Variants in CLUAP1 observed in about 807,000 individuals in gnomAD.
The protein encoded by CLUAP1 is clusterin-associated protein 1.
In CLUAP1, 50 loss-of-function variants were observed where a neutral mutation model predicts 55.0. The ratio of observed to expected loss-of-function variants is 0.91; its 90% CI spans 0.72 to 1.15. The LOEUF (loss-of-function observed/expected upper bound fraction) is 1.15, where lower values mean the gene tolerates loss of function less well. Among genes scored for constraint, CLUAP1 ranks in the 50% most tolerant of loss-of-function variants. CLUAP1 has a pLI of 0.00. For synonymous variants in CLUAP1, 195 were observed against 175.4 expected, an observed-to-expected ratio of 1.11 and a Z score of -0.88; for missense variants, 530 against 507.6, an observed-to-expected ratio of 1.04 and a Z score of -0.42.
At chr16:3,522,531 G>A (rs777666363) in intron 7 of CLUAP1, among the ~76,000 whole-genome samples, 1 of 152,022 alleles carries the variant, frequency 6.6e-6, no homozygotes, top group Non-Finnish European at 1.5e-5. Context: ...AGATGTGTCT[G>A]GTATGTGATT....
chr16:3,499,655 C>T (rs953055823), upstream of CLUAP1, among the ~76,000 whole-genome samples: 1 of 152,158 alleles, frequency 6.6e-6, no homozygotes. Flanking sequence ...GTTGAGAGTT[C>T]TTGATACATT....
At chr16:3,534,208 G>A (rs1402022824) in intron 11 of CLUAP1, 1 of 152,420 alleles carries the variant, frequency 6.6e-6, no homozygotes, top group Non-Finnish European at 1.5e-5. Context: ...TTAACAGGAG[G>A]AATAACAGCT....
intron 1 of CLUAP1, 44 bp from the exon 2 acceptor site, chr16:3,504,676 C>A: frequency 9.6e-7 from 1 of 1,042,858 alleles, no homozygotes; most frequent in Non-Finnish European, 1.5e-6. Flanking sequence ...TAAGTAGTTG[C>A]TGTGTGATGG....
At chr16:3,523,438 A>G in intron 8 of CLUAP1, 139 bp downstream of exon 8, 2 of 1,022,792 alleles carry the variant, frequency 2.0e-6, no homozygotes, top group Non-Finnish European at 2.8e-6. Context: ...AGGATTGCTC[A>G]TGTAATGTGT....
chr16:3,526,678 A>G lies in CLUAP1; in HGVS notation c.928+194A>G, dbSNP rs75995417. Among the ~76,000 whole-genome samples, 2,939 of 152,048 alleles carry G rather than the reference A, an allele frequency of 0.019. 98 individuals carry two copies. Among genetic ancestry groups the G allele is most frequent in the African/African-American group, 0.06 (2,503 of 41,442 alleles). On this transcript the variant is annotated intron_variant, in intron 9 of 11. Coordinates refer to ENST00000576634, the MANE Select transcript of CLUAP1 (RefSeq NM_015041.3). Reference sequence around the variant, plus strand: ...AAAGTATAATAAATTATTGTTGACTATAGGTACAAAAATATTTTCAAAAGG... The same window carrying G: ...AAAGTATAATAAATTATTGTTGACTGTAGGTACAAAAATATTTTCAAAAGG...
At chr16:3,506,869 C>A (rs1201147734) in intron 3 of CLUAP1, among the ~76,000 whole-genome samples, 6 of 152,124 alleles carry the variant, frequency 3.9e-5, no homozygotes, top group African/African-American at 1.4e-4. Context: ...CAGCGAAGTT[C>A]TTTTTGTTTG....
chr16:3,514,726 G>A (rs934147573), intron 5 of CLUAP1, among the ~76,000 whole-genome samples: 1 of 152,226 alleles, frequency 6.6e-6, no homozygotes, highest in Admixed American at 6.5e-5. Context: ...TCCTCACATG[G>A]CAGCAGGGGT....
At position 3,508,345 on chromosome 16, in the gene CLUAP1, T is replaced by G; in HGVS notation, c.276T>G (p.Tyr92Ter). The G allele has an allele frequency of 6.2e-7, 1 of 1,610,052 alleles. No homozygotes were observed. Among genetic ancestry groups the G allele is most frequent in the African/African-American group, 1.3e-5 (1 of 74,644 alleles). The change falls in exon 4 of 12, where the codon TAT (tyrosine) becomes TAG (stop). Residue 92 changes from tyrosine (Y) to a stop codon, truncating the protein, a stop_gained. Transcript: ENST00000576634. LOFTEE classifies it high-confidence loss of function. ...AGAAGCTTTATCAAGCAGATGGGTA[T>G]GCGGTAAAAGAGCTGCTGAAGATCA... Reference protein sequence around the residue: ...NTKKLYQADGYAVKELLKITS... With the variant: ...NTKKLYQADG
At chr16:3,512,199 A>C (rs1245399583) in intron 4 of CLUAP1, among the ~76,000 whole-genome samples, 184 bp from the exon 5 acceptor site, 3 of 150,652 alleles carry the variant, frequency 2.0e-5, no homozygotes, top group African/African-American at 4.9e-5. Flanking sequence ...AAAAAAAAAA[A>C]AAAAAATCTG....
intron 6 of CLUAP1, 130 bp downstream of exon 6, chr16:3,515,721 C>G: frequency 3.7e-6 from 2 of 539,148 alleles, no homozygotes; most frequent in Non-Finnish European, 6.2e-6. Flanking sequence ...ATGAAAAACT[C>G]AAGAGGACAT....
chr16:3,529,017 C>T (rs573511068), intron 9 of CLUAP1, among the ~76,000 whole-genome samples: 1 of 151,880 alleles, frequency 6.6e-6, no homozygotes, highest in Non-Finnish European at 1.5e-5. Flanking sequence ...ATATATACAG[C>T]ATTGTATATA....
intron 4 of CLUAP1, chr16:3,509,993 A>G (rs1251398659): frequency 8.3e-6 from 1 of 119,996 alleles, no homozygotes; most frequent in South Asian, 2.6e-4. Flanking sequence ...TGCCCAGCTA[A>G]TTTTTTTTTT....
chr16:3,522,015 C>T (rs1354367528), intron 7 of CLUAP1, among the ~76,000 whole-genome samples: 1 of 152,094 alleles, frequency 6.6e-6, no homozygotes, highest in Non-Finnish European at 1.5e-5. Context: ...GCCATGATCA[C>T]ACCACTGCAC....
intron 3 of CLUAP1, 76 bp downstream of exon 3, chr16:3,506,491 C>G (rs2037509151): frequency 2.7e-6 from 3 of 1,121,026 alleles, no homozygotes; most frequent in Non-Finnish European, 4.1e-6. Flanking sequence ...GGGCGACTTT[C>G]AAACTGTGTA....
At chr16:3,503,070 C>T in intron 1 of CLUAP1, among the ~76,000 whole-genome samples, 1 of 152,064 alleles carries the variant, frequency 6.6e-6, no homozygotes, top group Non-Finnish European at 1.5e-5. Flanking sequence ...CAACCTCTGC[C>T]TCCCAGCAAT....
In CLUAP1 at chr16:3,538,712, A is replaced by G. The variant is rs1203350553; in HGVS notation, c.*2441A>G. On this transcript the variant is annotated 3_prime_UTR_variant, in exon 12 of 12. Transcript: ENST00000576634. ...AACTGACTTTGTGCAAGGTCTCACC[A>G]TGTATAGCACTGCCTTGCTTGAGCA... is the stretch of plus-strand genomic sequence containing the variant. The G allele has an allele frequency of 6.6e-6, 1 of 152,260 alleles. No homozygotes were observed. The highest frequency in any genetic ancestry group is 1.5e-5 in the Non-Finnish European group (1 of 68,040). 9.4% of individuals were successfully genotyped at this position (152,260 alleles called of 1,614,324 possible). A position where few individuals can be genotyped will look rare whatever the true frequency, so the allele number is the denominator to read the frequency against.
At chr16:3,521,696 G>C (rs1310163228) in intron 7 of CLUAP1, among the ~76,000 whole-genome samples, 1 of 151,352 alleles carries the variant, frequency 6.6e-6, no homozygotes, top group Non-Finnish European at 1.5e-5. Flanking sequence ...GCCTCCCAAA[G>C]TGCTGGGATT....
intron 11 of CLUAP1, chr16:3,535,053 A>G (rs1370421190): frequency 6.5e-6 from 1 of 153,104 alleles, no homozygotes; most frequent in Non-Finnish European, 1.5e-5. Context: ...AGGGGCAGGC[A>G]GAGGAGGCTG....
chr16:3,532,394 G>C (rs2038139812), intron 10 of CLUAP1, among the ~76,000 whole-genome samples: 1 of 138,644 alleles, frequency 7.2e-6, no homozygotes, highest in African/African-American at 2.7e-5. Flanking sequence ...AATGTTTGGA[G>C]CACAGTTGCT....
Sources: allele counts gnomAD v4.1 joint callset (sites outside exome capture counted in the v4.1 genomes callset), GRCh38; gene constraint gnomAD v4.1.1; transcripts MANE v1.5; gene names NCBI Gene and HGNC (gene_info 2026-07-23, HGNC 2026-07-21).